FUT8: variants seen among roughly 807,000 people sequenced by gnomAD.
FUT8 encodes alpha-(1,6)-fucosyltransferase.
Under a neutral mutation model 71.3 loss-of-function variants are expected in FUT8, and 29 were observed. The ratio of observed to expected loss-of-function variants is 0.41; its 90% CI spans 0.30 to 0.55. FUT8 has a LOEUF of 0.55. Among genes scored for constraint, FUT8 ranks in the 20% least tolerant of loss-of-function variants. The pLI, the probability that FUT8 is intolerant of heterozygous loss-of-function variation, is 0.34. For missense variants in FUT8, 544 were observed against 702.1 expected, an observed-to-expected ratio of 0.77 and a Z score of 2.55; for synonymous variants, 254 against 239.3, an observed-to-expected ratio of 1.06 and a Z score of -0.57.
At chr14:65,618,705 C>G (rs1566856431) in intron 5 of FUT8, among the ~76,000 whole-genome samples, 1 of 152,092 alleles carries the variant, frequency 6.6e-6, no homozygotes, top group African/African-American at 2.4e-5. Context: ...TCAAAACAAA[C>G]TTTTAGGTTT....
chr14:65,722,821 T>A (rs1895486083), intron 8 of FUT8, among the ~76,000 whole-genome samples: 1 of 152,210 alleles, frequency 6.6e-6, no homozygotes, highest in Non-Finnish European at 1.5e-5. Flanking sequence ...AGAGTAACTC[T>A]GGTGAAATCA....
the FUT8 span, among the ~76,000 whole-genome samples, chr14:65,403,967 G>A: frequency 6.6e-6 from 1 of 151,112 alleles, no homozygotes; most frequent in Non-Finnish European, 1.5e-5. Flanking sequence ...GCATGATCTC[G>A]GCTCAGTGCA....
intron 6 of FUT8, among the ~76,000 whole-genome samples, chr14:65,649,348 T>G (rs1390554963): frequency 6.6e-6 from 1 of 152,238 alleles, no homozygotes; most frequent in African/African-American, 2.4e-5. Context: ...TTATTTTTAA[T>G]CTGAATCTTC....
intron 7 of FUT8, among the ~76,000 whole-genome samples, chr14:65,693,788 T>G (rs1252026582): frequency 6.6e-6 from 1 of 152,242 alleles, no homozygotes; most frequent in African/African-American, 2.4e-5. Flanking sequence ...CTTAAATGTT[T>G]AGTAGAATTC....
intron 7 of FUT8, among the ~76,000 whole-genome samples, chr14:65,692,643 G>A (rs1208559785): frequency 6.6e-5 from 10 of 151,234 alleles, no homozygotes; most frequent in East Asian, 6.0e-4. Flanking sequence ...GGTGGCTGCC[G>A]GGCGGAGACG....
intron 3 of FUT8, among the ~76,000 whole-genome samples, chr14:65,569,278 C>T (rs1222743146): frequency 1.3e-5 from 2 of 151,692 alleles, no homozygotes; most frequent in African/African-American, 4.8e-5. Context: ...CCCTCAGCTA[C>T]TATTTCTTCA....
At chr14:65,417,515 T>C (rs193232112) in intron 1 of FUT8, among the ~76,000 whole-genome samples, 21 of 152,338 alleles carry the variant, frequency 1.4e-4, no homozygotes, top group African/African-American at 4.8e-4. Context: ...AAATGGGACC[T>C]ATGGAATTAT....
At chr14:65,430,913 G>T (rs2065462690) in intron 1 of FUT8, among the ~76,000 whole-genome samples, 1 of 151,614 alleles carries the variant, frequency 6.6e-6, no homozygotes, top group Admixed American at 6.6e-5. Context: ...GAGAAAATGT[G>T]CTCTAAAATA....
intron 7 of FUT8, among the ~76,000 whole-genome samples, chr14:65,694,695 A>G (rs954690036): frequency 6.6e-6 from 1 of 152,124 alleles, no homozygotes; most frequent in African/African-American, 2.4e-5. Flanking sequence ...CATATACACC[A>G]TGGAATACTA....
At chr14:65,557,706 A>G (rs1041306540) in intron 2 of FUT8, among the ~76,000 whole-genome samples, 1 of 151,974 alleles carries the variant, frequency 6.6e-6, no homozygotes, top group Non-Finnish European at 1.5e-5. Flanking sequence ...GGCACATTTC[A>G]GTACATTTAG....
chr14:65,669,196 T>G lies in FUT8; in HGVS notation c.598-47T>G. The G allele has an allele frequency of 7.1e-7, 1 of 1,411,538 alleles. No homozygotes were observed. The highest frequency in any genetic ancestry group is 9.9e-7 in the Non-Finnish European group (1 of 1,010,188). The allele number at this position is 1,411,538 out of a possible 1,614,324, so 87.4% of individuals were successfully genotyped here. On this transcript the variant is annotated intron_variant, in intron 6 of 10. Coordinates refer to ENST00000673929, the MANE Select transcript of FUT8 (RefSeq NM_001371533.1). The surrounding 1 kb of genome is among the most constrained non-coding windows in gnomAD (Gnocchi z 4.5). Reference sequence around the variant, plus strand: ...TAAAAAAAAAAAAGAGCAGTTGACCTCTCTGTACAACTTATCTTTATTTTC... The same window carrying G: ...TAAAAAAAAAAAAGAGCAGTTGACCGCTCTGTACAACTTATCTTTATTTTC...
chr14:65,676,925 A>C (rs1344719325), intron 7 of FUT8, among the ~76,000 whole-genome samples: 1 of 152,098 alleles, frequency 6.6e-6, no homozygotes, highest in African/African-American at 2.4e-5. Flanking sequence ...TATGATGTGA[A>C]TCTGTAATTT....
Position 65,669,178 on chromosome 14 carries a change from A to T in FUT8, c.598-65A>T. On this transcript the variant is annotated intron_variant, in intron 6 of 10. Coordinates refer to ENST00000673929, the MANE Select transcript of FUT8 (RefSeq NM_001371533.1). This position sits in a 1 kb window ranked among gnomAD's most constrained non-coding sequence, Gnocchi z 4.5. ...CCCCTGAAGATGAAAGATTAAAAAA[A>T]AAAAAGAGCAGTTGACCTCTCTGTA... 1.6e-6 allele frequency: 2 copies of T among 1,236,360 alleles called. No homozygotes were observed. Among genetic ancestry groups the T allele is most frequent in the Non-Finnish European group, 2.3e-6 (2 of 875,368 alleles). 76.6% of individuals were successfully genotyped at this position (1,236,360 alleles called of 1,614,324 possible).
At chr14:65,610,095 G>A (rs983877139) in intron 3 of FUT8, among the ~76,000 whole-genome samples, 2 of 151,336 alleles carry the variant, frequency 1.3e-5, no homozygotes, top group East Asian at 3.8e-4. Context: ...CTGCAACCTT[G>A]TTAAACAACA....
At chr14:65,398,490 CT>C in the FUT8 span, among the ~76,000 whole-genome samples, 1 of 151,878 alleles carries the variant, frequency 6.6e-6, no homozygotes. Context: ...AATCCCAGCA[CT>C]TTGGGAGGCC....
At chr14:65,392,386 T>C in the FUT8 span, among the ~76,000 whole-genome samples, 2 of 152,236 alleles carry the variant, frequency 1.3e-5, no homozygotes, top group African/African-American at 2.4e-5. Flanking sequence ...TTTGGAAACA[T>C]ATGTGCAAGG....
chr14:65,571,776 A>G (rs1221694472), intron 3 of FUT8, among the ~76,000 whole-genome samples: 1 of 152,132 alleles, frequency 6.6e-6, no homozygotes, highest in African/African-American at 2.4e-5. Context: ...TAAAGTTTAC[A>G]TGGAACAATG....
Position 65,466,359 on chromosome 14 carries a change from G to A in FUT8, c.-228+10641G>A, listed in dbSNP as rs556778139. Among the ~76,000 whole-genome samples the A allele has an allele frequency of 7.4e-4, 113 of 151,696 alleles. 1 individual carries two copies. Among genetic ancestry groups the A allele is most frequent in the Admixed American group, 5.0e-3 (76 of 15,258 alleles). On this transcript the variant is annotated intron_variant, in intron 2 of 10. Coordinates refer to ENST00000673929, the MANE Select transcript of FUT8 (RefSeq NM_001371533.1). The stretch of plus-strand genomic sequence containing the variant: ...CATTGTCCTTGTTCTTTCTTTTTTC[G>A]TCTTTCACTTTGTCTCTGCCTTCTT...
At position 65,452,746 on chromosome 14, in the gene FUT8, C is replaced by T. The variant is rs79586738; in HGVS notation, c.-325-2875C>T. 8.5e-5 allele frequency among the ~76,000 whole-genome samples: 13 copies of T among 152,322 alleles called. No homozygotes were observed. The East Asian group carries it at 2.5e-3, about 29-fold the overall frequency. ...AATAATATAATAATTAGAGCTCACA[C>T]ATGGTTAGGAGTAGGGCCTGAATCC... On this transcript the variant is annotated intron_variant, in intron 1 of 10. Transcript: ENST00000673929.
Sources: allele counts gnomAD v4.1 joint callset (sites outside exome capture counted in the v4.1 genomes callset), GRCh38; gene constraint gnomAD v4.1.1; non-coding constraint Gnocchi (gnomAD v3.1); transcripts MANE v1.5; gene names NCBI Gene and HGNC (gene_info 2026-07-23, HGNC 2026-07-21).